MTG1: variants seen among roughly 807,000 people sequenced by gnomAD.
The protein encoded by MTG1 is mitochondrial ribosome-associated GTPase 1.
A neutral mutation model predicts 39.5 loss-of-function variants in MTG1; 30 were observed. The ratio of observed to expected loss-of-function variants is 0.76; its 90% CI spans 0.57 to 1.03. MTG1 has a LOEUF of 1.03. MTG1 is among the 50% of genes least tolerant of loss of function. The probability of loss-of-function intolerance (pLI) is 0.00; values close to 1 mark genes in which losing one functional copy is unlikely to be tolerated. For synonymous variants in MTG1, 217 were observed against 179.0 expected (o/e 1.21, Z -1.69); for missense variants, 513 against 447.4 (o/e 1.15, Z -1.32).
chr10:133,418,864 A>T (rs1850177390), intron 9 of MTG1, among the ~76,000 whole-genome samples: 1 of 152,160 alleles, frequency 6.6e-6, no homozygotes, highest in Non-Finnish European at 1.5e-5. Flanking sequence ...CTTTCCCTCC[A>T]GGCCTCTCTG....
At chr10:133,406,535 T>A (rs913065577) in intron 9 of MTG1, among the ~76,000 whole-genome samples, 2 of 152,060 alleles carry the variant, frequency 1.3e-5, no homozygotes, top group African/African-American at 4.8e-5. Flanking sequence ...ATTATTATTA[T>A]TATTTTTGCT....
chr10:133,400,555 C>T (rs1030557069), intron 6 of MTG1, among the ~76,000 whole-genome samples: 1 of 152,182 alleles, frequency 6.6e-6, no homozygotes, highest in Non-Finnish European at 1.5e-5. Context: ...CTTTAAACTA[C>T]GGTGAACTGT....
Position 133,419,490 on chromosome 10 carries a change from C to A in MTG1, c.763C>A (p.His255Asn). Residue 255 changes from histidine to asparagine, a missense_variant, in exon 10 of 11, where the codon CAC becomes AAC. Coordinates refer to ENST00000317502, the MANE Select transcript of MTG1 (RefSeq NM_138384.4). ...NKHQRFGYVQ[H>N]YGLGSACDNV... is the part of the protein sequence containing the mutation. ...GCAGCCTATGTGCAGGTACGTGCAG[C>A]ACTACGGCCTGGGCAGTGCCTGTGA... 1 of 1,598,940 alleles carries A rather than the reference C, an allele frequency of 6.3e-7. No individual in the cohort carries two copies. The highest frequency in any genetic ancestry group is 8.5e-7 in the Non-Finnish European group (1 of 1,173,342).
rs745877724 is a variant in MTG1 at position 133,396,137 on chromosome 10, A to G, written c.178-26A>G. 2.5e-6 allele frequency: 4 copies of G among 1,607,540 alleles called. No homozygotes were observed. The South Asian group carries it at 3.3e-5, about 13-fold the overall frequency. ...AGTTGGTTGGCTGGTAAAGCTTTGG[A>G]GGAATTTTTACCTTAATTTTGCCAC... On this transcript the variant is annotated intron_variant, in intron 2 of 10. Transcript: ENST00000317502.
intron 9 of MTG1, among the ~76,000 whole-genome samples, chr10:133,416,450 T>C (rs1261200973): frequency 6.6e-6 from 1 of 151,644 alleles, no homozygotes; most frequent in Non-Finnish European, 1.5e-5. Context: ...ATGTGCACAA[T>C]GTGTAGGTTA....
At chr10:133,397,874 T>C (rs111247304) in intron 3 of MTG1, among the ~76,000 whole-genome samples, 1,909 of 152,134 alleles carry the variant, frequency 0.013, 36 homozygotes, top group African/African-American at 0.043. Flanking sequence ...AATGTGACTT[T>C]TTGTAGACTG....
intron 9 of MTG1, among the ~76,000 whole-genome samples, chr10:133,413,968 G>A (rs1850084260): frequency 6.7e-6 from 1 of 148,566 alleles, no homozygotes; most frequent in South Asian, 2.1e-4. Context: ...CGCAGAGGGG[G>A]ATTTGGCAGG....
chr10:133,396,054 G>A lies in MTG1; in HGVS notation c.178-109G>A, dbSNP rs1396631301. 4 of 1,055,382 alleles carry A rather than the reference G, an allele frequency of 3.8e-6. No homozygotes were observed. In the African/African-American group the frequency reaches 4.7e-5, roughly 12 times the overall value. The allele number at this position is 1,055,382 out of a possible 1,614,324, so 65.4% of individuals were successfully genotyped here. ...TCCTGCCAACTGGGGCTTTTCTCCTGTACTTGAGGAATGAATTGGCAGGAT... is the reference window on the plus strand; with the variant it reads ...TCCTGCCAACTGGGGCTTTTCTCCTATACTTGAGGAATGAATTGGCAGGAT... On this transcript the variant is annotated intron_variant, in intron 2 of 10. Transcript: ENST00000317502.
intron 6 of MTG1, among the ~76,000 whole-genome samples, chr10:133,400,608 T>C (rs570775205): frequency 2.6e-5 from 4 of 152,386 alleles, no homozygotes; most frequent in African/African-American, 7.2e-5. Flanking sequence ...TGGAGCATTG[T>C]TACAGTCATT....
rs547267503 is a variant in MTG1 at position 133,409,040 on chromosome 10, G to T, written c.752+6267G>T. On this transcript the variant is annotated intron_variant, in intron 9 of 10. Transcript: ENST00000317502. The stretch of plus-strand genomic sequence containing the variant: ...TTTCAACTCAATTTCATTTATTTCT[G>T]CTCTGGTCTCCTGATCTCTGTTATT... Among the ~76,000 whole-genome samples, 3 of 147,494 alleles carry T rather than the reference G, an allele frequency of 2.0e-5. No individual in the cohort carries two copies. The East Asian group carries it at 6.0e-4, about 29-fold the overall frequency.
intron 10 of MTG1, 25 bp downstream of exon 10, chr10:133,419,617 A>G: frequency 6.4e-7 from 1 of 1,558,970 alleles, no homozygotes; most frequent in Non-Finnish European, 8.7e-7. Flanking sequence ...TGATGCGGGC[A>G]CCGGAGCCTC....
intron 9 of MTG1, among the ~76,000 whole-genome samples, chr10:133,415,130 C>T (rs376458109): frequency 2.7e-4 from 41 of 151,872 alleles, no homozygotes; most frequent in African/African-American, 7.9e-4. Context: ...AGTCCAGCTT[C>T]GGCTCGGCAT....
chr10:133,399,807 G>A, intron 6 of MTG1, 188 bp downstream of exon 6: 1 of 506,220 alleles, frequency 2.0e-6, no homozygotes, highest in Non-Finnish European at 3.5e-6. Context: ...AGTGGGACCA[G>A]GTCGTTCTGT....
At chr10:133,410,572 C>T (rs1481664303) in intron 9 of MTG1, among the ~76,000 whole-genome samples, 1 of 152,100 alleles carries the variant, frequency 6.6e-6, no homozygotes, top group Non-Finnish European at 1.5e-5. Flanking sequence ...ATGTAGTGTA[C>T]CATCAGGCTT....
chr10:133,400,020 G>A (rs139098071), intron 6 of MTG1, among the ~76,000 whole-genome samples: 1,811 of 152,176 alleles, frequency 0.012, 33 homozygotes, highest in African/African-American at 0.042. Context: ...GTGAAACCCC[G>A]TCTCTACTAA....
At chr10:133,410,021 G>A (rs978423414) in intron 9 of MTG1, among the ~76,000 whole-genome samples, 2 of 150,750 alleles carry the variant, frequency 1.3e-5, no homozygotes, top group African/African-American at 4.9e-5. Context: ...GTTTGATCTT[G>A]TTTTTTATCC....
chr10:133,413,918 C>CTTTTTTTTTTTTTTTTTTTTT (rs1285224313), intron 9 of MTG1, among the ~76,000 whole-genome samples: 1 of 136,118 alleles, frequency 7.3e-6, no homozygotes, highest in Non-Finnish European at 1.6e-5. Context: ...GTTTTCTTTT[C>CTTTTTTTTTTTTTTTTTTTTT]TTTTTTTTTT....
At chr10:133,407,073 A>G (rs895435323) in intron 9 of MTG1, among the ~76,000 whole-genome samples, 6 of 152,090 alleles carry the variant, frequency 3.9e-5, no homozygotes, top group Non-Finnish European at 7.3e-5. Context: ...TCCCCAGTGT[A>G]TGTTCTTGGC....
rs1343716765 is a variant in MTG1, at chr10:133,402,106, A to C, written c.574-43A>C. On this transcript the variant is annotated intron_variant, in intron 7 of 10. Coordinates refer to ENST00000317502, the MANE Select transcript of MTG1 (RefSeq NM_138384.4). This position sits in a 1 kb window ranked among gnomAD's most constrained non-coding sequence, Gnocchi z 4.7. ...TTCCTGAGTGGCCCACCTGGGTGGG[A>C]GGCTGCCACCGCGGCCTGATCATGC... The C allele has an allele frequency of 6.2e-7, 1 of 1,611,852 alleles. No individual in the cohort carries two copies. The highest frequency in any genetic ancestry group is 8.5e-7 in the Non-Finnish European group (1 of 1,179,184).
Sources: allele counts gnomAD v4.1 joint callset (sites outside exome capture counted in the v4.1 genomes callset), GRCh38; gene constraint gnomAD v4.1.1; non-coding constraint Gnocchi (gnomAD v3.1); transcripts MANE v1.5; gene names NCBI Gene and HGNC (gene_info 2026-07-23, HGNC 2026-07-21).